The following SNCAIP variants were observed in gnomAD, a reference collection of about 807,000 sequenced individuals.
SNCAIP encodes the protein synphilin-1.
A neutral mutation model predicts 86.7 loss-of-function variants in SNCAIP; 43 were observed. The observed-to-expected ratio is 0.50, with a 90% CI of 0.39 to 0.64. The LOEUF (loss-of-function observed/expected upper bound fraction) is 0.64. Among genes scored for constraint, SNCAIP ranks in the 30% least tolerant of loss-of-function variants. The probability of loss-of-function intolerance (pLI) is 0.00; values close to 1 mark genes in which losing one functional copy is unlikely to be tolerated. For synonymous variants in SNCAIP, 417 were observed against 427.2 expected (o/e 0.98, Z 0.29); for missense variants, 981 against 1,103.1 (o/e 0.89, Z 1.57).
chr5:122,333,410 T>C (rs1383568190), intron 1 of SNCAIP, among the ~76,000 whole-genome samples: 1 of 152,254 alleles, frequency 6.6e-6, no homozygotes, highest in African/African-American at 2.4e-5. Context: ...CGCTAGGTTT[T>C]ACTACCGCCT....
At chr5:122,439,334 A>G (rs1780262720) in intron 6 of SNCAIP, among the ~76,000 whole-genome samples, 1 of 152,188 alleles carries the variant, frequency 6.6e-6, no homozygotes, top group Non-Finnish European at 1.5e-5. Context: ...CTCCTTTTGC[A>G]GTTAACACTC....
At chr5:122,362,622 T>A (rs185823695) in intron 1 of SNCAIP, among the ~76,000 whole-genome samples, 147 of 152,256 alleles carry the variant, frequency 9.7e-4, no homozygotes, top group Non-Finnish European at 1.5e-3. Context: ...TAGTACCAAG[T>A]ACAGAATCAG....
intron 10 of SNCAIP, among the ~76,000 whole-genome samples, chr5:122,456,139 C>G (rs1226003412): frequency 1.3e-5 from 2 of 152,192 alleles, no homozygotes; most frequent in Admixed American, 1.3e-4. Flanking sequence ...CACAGTTGCA[C>G]AGTTGCCTGA....
intron 3 of SNCAIP, among the ~76,000 whole-genome samples, chr5:122,404,550 T>C (rs1772553749): frequency 1.3e-5 from 2 of 152,124 alleles, no homozygotes; most frequent in African/African-American, 4.8e-5. Flanking sequence ...AAAAAGGATA[T>C]TGATGGGAGT....
At chr5:122,436,479 A>G (rs1779502486) in intron 6 of SNCAIP, 1 of 152,242 alleles carries the variant, frequency 6.6e-6, no homozygotes. Context: ...AGGAATTATT[A>G]AGGCCATAAC....
chr5:122,396,848 A>G (rs1315073248), intron 2 of SNCAIP, among the ~76,000 whole-genome samples: 1 of 152,164 alleles, frequency 6.6e-6, no homozygotes, highest in East Asian at 1.9e-4. Flanking sequence ...AAGGTTTATG[A>G]CTGGCCATCT....
In SNCAIP at chr5:122,365,851, C is replaced by T. The variant is rs183635826; in HGVS notation, c.-46-25238C>T. 3.5e-3 allele frequency among the ~76,000 whole-genome samples: 534 copies of T among 152,196 alleles called. 14 individuals carry two copies. The highest frequency in any genetic ancestry group is 0.032 in the Admixed American group (488 of 15,284). Reference sequence around the variant, plus strand: ...ATCAGGCGGGATGCAGATGCATGGACAGATAATAATAGGAAGTCATGGTAA... The same window carrying T: ...ATCAGGCGGGATGCAGATGCATGGATAGATAATAATAGGAAGTCATGGTAA... On this transcript the variant is annotated intron_variant, in intron 1 of 10. Transcript: ENST00000261368.
chr5:122,450,924 G>A lies in SNCAIP; in HGVS notation c.2077G>A (p.Val693Met). The A allele has an allele frequency of 1.9e-6, 3 of 1,614,140 alleles. No individual in the cohort carries two copies. Among genetic ancestry groups the A allele is most frequent in the Non-Finnish European group, 2.5e-6 (3 of 1,180,016 alleles). The stretch of plus-strand genomic sequence containing the variant: ...CTCTGAGGACCCCAAGACTACCCCA[G>A]TGAGGAAGGCTGACCGACCAAGGCC... ...NNSEDPKTTP[V>M]RKADRPRPQP... The change falls in exon 10 of 11, where the codon GTG becomes ATG. Residue 693 changes from valine to methionine, a missense_variant. Coordinates refer to ENST00000261368, the MANE Select transcript of SNCAIP (RefSeq NM_005460.4).
At chr5:122,359,267 A>G (rs887369303) in intron 1 of SNCAIP, among the ~76,000 whole-genome samples, 1 of 151,950 alleles carries the variant, frequency 6.6e-6, no homozygotes, top group African/African-American at 2.4e-5. Context: ...AAACAATGAA[A>G]ATAATGTCAT....
At chr5:122,346,941 A>G (rs1202896362) in intron 1 of SNCAIP, among the ~76,000 whole-genome samples, 1 of 152,092 alleles carries the variant, frequency 6.6e-6, no homozygotes. Flanking sequence ...TGATATGGAT[A>G]CAATTATAGA....
intron 6 of SNCAIP, among the ~76,000 whole-genome samples, chr5:122,438,136 G>A (rs1161085985): frequency 3.9e-5 from 6 of 152,110 alleles, no homozygotes; most frequent in Non-Finnish European, 7.4e-5. Flanking sequence ...GAATATCAAG[G>A]AATACAGCAG....
chr5:122,396,446 C>T (rs73794599), intron 2 of SNCAIP, among the ~76,000 whole-genome samples: 3,066 of 152,100 alleles, frequency 0.02, 99 homozygotes, highest in African/African-American at 0.068. Flanking sequence ...TTAAATTTTC[C>T]CTTTTACTCT....
chr5:122,367,868 T>TTA (rs772784790), intron 1 of SNCAIP, among the ~76,000 whole-genome samples: 83 of 151,396 alleles, frequency 5.5e-4, no homozygotes, highest in South Asian at 4.0e-3. Context: ...TGTGCATAAA[T>TTA]TATATATATA....
intron 3 of SNCAIP, among the ~76,000 whole-genome samples, chr5:122,417,780 A>G (rs1167059688): frequency 6.6e-6 from 1 of 151,582 alleles, no homozygotes; most frequent in Non-Finnish European, 1.5e-5. Context: ...AGATTAAGTC[A>G]TTGGTCCCCA....
At chr5:122,387,284 G>A (rs1016410421) in intron 1 of SNCAIP, among the ~76,000 whole-genome samples, 3 of 151,964 alleles carry the variant, frequency 2.0e-5, no homozygotes, top group South Asian at 4.2e-4. Flanking sequence ...TCAGCCTCCC[G>A]AATAGCTGGG....
chr5:122,399,636 T>C (rs964336404), intron 2 of SNCAIP, among the ~76,000 whole-genome samples: 3 of 152,214 alleles, frequency 2.0e-5, no homozygotes, highest in African/African-American at 7.2e-5. Flanking sequence ...TTCTTATGTC[T>C]AGAGGAATTT....
At chr5:122,358,875 A>C (rs1169575579) in intron 1 of SNCAIP, among the ~76,000 whole-genome samples, 1 of 152,320 alleles carries the variant, frequency 6.6e-6, no homozygotes, top group South Asian at 2.1e-4. Context: ...GTTGCTATGA[A>C]CTTTTGAACT....
chr5:122,358,577 T>C (rs1176393310), intron 1 of SNCAIP, among the ~76,000 whole-genome samples: 1 of 152,040 alleles, frequency 6.6e-6, no homozygotes, highest in Non-Finnish European at 1.5e-5. Context: ...TTCCTTCCTC[T>C]GTATCCACTG....
At chr5:122,369,127 C>CA (rs1763768990) in intron 1 of SNCAIP, among the ~76,000 whole-genome samples, 1 of 152,192 alleles carries the variant, frequency 6.6e-6, no homozygotes, top group Middle Eastern at 3.2e-3. Context: ...TGTATAGGTT[C>CA]AGACTCAGAA....
Sources: allele counts gnomAD v4.1 joint callset (sites outside exome capture counted in the v4.1 genomes callset), GRCh38; gene constraint gnomAD v4.1.1; transcripts MANE v1.5; gene names NCBI Gene and HGNC (gene_info 2026-07-23, HGNC 2026-07-21).